Variants in CCNI observed in about 807,000 individuals in gnomAD.
CCNI encodes the protein cyclin-I.
In CCNI, 14 loss-of-function variants were observed where a neutral mutation model predicts 34.1. The observed-to-expected ratio is 0.41, with a 90% CI of 0.27 to 0.64. CCNI has a LOEUF of 0.64. CCNI is among the 30% of genes least tolerant of loss of function. CCNI has a pLI of 0.31. For missense variants in CCNI, 385 were observed against 440.5 expected (o/e 0.87, Z 1.13); for synonymous variants, 154 against 158.4 (o/e 0.97, Z 0.21).
At chr4:77,050,415 AT>A (rs1323775809) in intron 6 of CCNI, among the ~76,000 whole-genome samples, 1 of 152,180 alleles carries the variant, frequency 6.6e-6, no homozygotes, top group East Asian at 1.9e-4. Flanking sequence ...TCACAAAATT[AT>A]TTTTATCTCT....
At chr4:77,065,531 C>T (rs977665502) in intron 2 of CCNI, among the ~76,000 whole-genome samples, 21 of 152,154 alleles carry the variant, frequency 1.4e-4, no homozygotes, top group African/African-American at 4.8e-4. Context: ...ATTGGTATTA[C>T]CTTAGTAATT....
chr4:77,075,673 G>T lies in CCNI; in HGVS notation c.-245C>A. 1 of 587,634 alleles carries T rather than the reference G, an allele frequency of 1.7e-6. No homozygotes were observed. Among genetic ancestry groups the T allele is most frequent in the Non-Finnish European group, 2.1e-6 (1 of 465,456 alleles). The allele number at this position is 587,634 out of a possible 1,614,324, so 36.4% of individuals were successfully genotyped here. A position where few individuals can be genotyped will look rare whatever the true frequency, so the allele number is the denominator to read the frequency against. ...CGGGCGCGGGCGCTGGCGCTCGAGC[G>T]GGACGCACGGCTGCGGCCGCTGGGT... On this transcript the variant is annotated 5_prime_UTR_variant, in exon 1 of 7. Transcript: ENST00000237654.
At position 77,055,299 on chromosome 4, in the gene CCNI, G is replaced by C. The variant is rs145584725; in HGVS notation, c.541C>G (p.Leu181Val). 1.9e-6 allele frequency: 3 copies of C among 1,614,054 alleles called. No homozygotes were observed. Among genetic ancestry groups the C allele is most frequent in the Non-Finnish European group, 2.5e-6 (3 of 1,180,024 alleles). ...ATACAGTGAAGTAGTTGCTTGGTAA[G>C]GACTGCCAAATGTTGAGATGGGCTC... ...KLSPSQHLAVLTKQLLHCMAC... is the reference protein window; with the variant it reads ...KLSPSQHLAVVTKQLLHCMAC... The change falls in exon 6 of 7, where the codon CTT becomes GTT. Residue 181 changes from leucine to valine, a missense_variant. Leu to Val is a conservative substitution (Grantham distance 32). This residue lies in a region of CCNI where 250 missense variants were observed against 248.7 expected (regional missense o/e 1.01). Transcript: ENST00000237654.
intron 1 of CCNI, 39 bp downstream of exon 1, chr4:77,075,433 G>C (rs1362797046): frequency 1.2e-6 from 1 of 864,394 alleles, no homozygotes; most frequent in African/African-American, 1.9e-5. Flanking sequence ...GCCGGCCGCG[G>C]AGACGCGTCG....
intron 1 of CCNI, among the ~76,000 whole-genome samples, chr4:77,071,137 G>A (rs1268893501): frequency 6.6e-6 from 1 of 152,200 alleles, no homozygotes; most frequent in Non-Finnish European, 1.5e-5. Context: ...GACACATAAA[G>A]TAGAATCATG....
chr4:77,048,803 C>A (rs1354027730), intron 6 of CCNI, 141 bp from the exon 7 acceptor site: 18 of 493,566 alleles, frequency 3.6e-5, no homozygotes, highest in Non-Finnish European at 5.6e-5. Flanking sequence ...ACCTCCAACT[C>A]ATTTATTTAT....
Position 77,058,743 on chromosome 4 carries a change from A to T in CCNI, c.115-108T>A, listed in dbSNP as rs188401864. On this transcript the variant is annotated intron_variant, in intron 2 of 6. Coordinates refer to ENST00000237654, the MANE Select transcript of CCNI (RefSeq NM_006835.3). ...TTAGGTAATACTACAAAATATATTT[A>T]AAAATGTTAAGGTTATTCAAAATCT... 490 of 879,472 alleles carry T rather than the reference A, an allele frequency of 5.6e-4. 2 individuals are homozygous for T. In the East Asian group the frequency reaches 7.9e-3, roughly 14 times the overall value. 54.5% of individuals were successfully genotyped at this position (879,472 alleles called of 1,614,324 possible).
chr4:77,059,999 C>T (rs986125676), intron 2 of CCNI, among the ~76,000 whole-genome samples: 3 of 151,726 alleles, frequency 2.0e-5, no homozygotes, highest in African/African-American at 7.3e-5. Context: ...ACTGGGAAGG[C>T]TTTTAGGGAG....
At chr4:77,067,622 C>T (rs564789409) in intron 1 of CCNI, among the ~76,000 whole-genome samples, 1 of 150,888 alleles carries the variant, frequency 6.6e-6, no homozygotes, top group East Asian at 2.0e-4. Context: ...TCCCAAATAG[C>T]TGGGACTACA....
In CCNI at chr4:77,047,901, T is replaced by C. The variant is rs560101701; in HGVS notation, c.*318A>G. On this transcript the variant is annotated 3_prime_UTR_variant, in exon 7 of 7. Transcript: ENST00000237654. ...CAGGATTGCTGGCCATGAATTTTAA[T>C]TGAATTTTTGACGGGGCAAGCTACG... The C allele has an allele frequency of 3.7e-4, 76 of 205,264 alleles. No individual in the cohort carries two copies. In the South Asian group the frequency reaches 5.7e-3, roughly 15 times the overall value. 12.7% of individuals were successfully genotyped at this position (205,264 alleles called of 1,614,324 possible).
At chr4:77,063,846 C>T (rs1450748845) in intron 2 of CCNI, among the ~76,000 whole-genome samples, 1 of 152,136 alleles carries the variant, frequency 6.6e-6, no homozygotes, top group Non-Finnish European at 1.5e-5. Flanking sequence ...TTCTACTTGG[C>T]ATTACTAAAG....
intron 6 of CCNI, among the ~76,000 whole-genome samples, chr4:77,054,694 T>G (rs2109798289): frequency 1.3e-5 from 2 of 152,364 alleles, no homozygotes; most frequent in Middle Eastern, 6.8e-3. Flanking sequence ...TTCAGAAAAG[T>G]GGCTTCTACC....
At chr4:77,054,227 T>A (rs926715223) in intron 6 of CCNI, among the ~76,000 whole-genome samples, 1 of 152,254 alleles carries the variant, frequency 6.6e-6, no homozygotes, top group Non-Finnish European at 1.5e-5. Context: ...GTTTTTCTTT[T>A]ATAATAATCT....
chr4:77,073,379 T>C (rs754493481), intron 1 of CCNI, among the ~76,000 whole-genome samples: 1 of 152,218 alleles, frequency 6.6e-6, no homozygotes, highest in African/African-American at 2.4e-5. Context: ...TGCTGCACAG[T>C]GCTGGGTATA....
At chr4:77,066,160 C>A in intron 2 of CCNI, 89 bp downstream of exon 2, 1 of 1,078,786 alleles carries the variant, frequency 9.3e-7, no homozygotes, top group South Asian at 1.3e-5. Flanking sequence ...GTACACACTC[C>A]TCCAATGTAG....
intron 1 of CCNI, among the ~76,000 whole-genome samples, chr4:77,069,039 C>T (rs1410067140): frequency 6.6e-6 from 1 of 152,092 alleles, no homozygotes; most frequent in African/African-American, 2.4e-5. Context: ...TCCAAAAAGA[C>T]CTATCTCAAA....
intron 6 of CCNI, among the ~76,000 whole-genome samples, chr4:77,051,177 T>C (rs1727800322): frequency 6.6e-6 from 1 of 152,214 alleles, no homozygotes; most frequent in African/African-American, 2.4e-5. Flanking sequence ...AATTTCTTCC[T>C]GAATATTTTC....
At position 77,048,962 on chromosome 4, in the gene CCNI, G is replaced by GTTT. The variant is rs538284505; in HGVS notation, c.691-303_691-301dup. 3.7e-3 allele frequency among the ~76,000 whole-genome samples: 177 copies of GTTT among 47,648 alleles called. 29 individuals are homozygous for GTTT. The highest frequency in any genetic ancestry group is 5.3e-3 in the Non-Finnish European group (114 of 21,420). The allele number at this position is 47,648 out of a possible 152,430, so 31.3% of individuals were successfully genotyped here. ...AACTACTTTTTTGTATCCAACGTCT[G>GTTT]TTTTTTTTTTTTTTTTTTTTTTTTT... On this transcript the variant is annotated intron_variant, in intron 6 of 6. Coordinates refer to ENST00000237654, the MANE Select transcript of CCNI (RefSeq NM_006835.3).
At chr4:77,055,538 C>A (rs1341028439) in intron 5 of CCNI, among the ~76,000 whole-genome samples, 158 bp from the exon 6 acceptor site, 1 of 151,080 alleles carries the variant, frequency 6.6e-6, no homozygotes, top group African/African-American at 2.4e-5. Context: ...TCTCAACTCA[C>A]TGCAACATCC....
Sources: allele counts gnomAD v4.1 joint callset (sites outside exome capture counted in the v4.1 genomes callset), GRCh38; gene constraint gnomAD v4.1.1; regional missense constraint gnomAD v4.1.1; transcripts MANE v1.5; gene names NCBI Gene and HGNC (gene_info 2026-07-23, HGNC 2026-07-21).